SSH2: variants seen among roughly 807,000 people sequenced by gnomAD.
The protein encoded by SSH2 is slingshot protein phosphatase 2.
In SSH2, 37 loss-of-function variants were observed where a neutral mutation model predicts 135.2. The observed-to-expected ratio is 0.27, with a 90% CI of 0.21 to 0.36. The LOEUF (loss-of-function observed/expected upper bound fraction) is 0.36. Ranked by LOEUF, SSH2 falls within the 10% of genes least tolerant of loss-of-function variation. The pLI is 1.00. For missense variants in SSH2, 1,408 were observed against 1,765.3 expected (o/e 0.80, Z 3.63); for synonymous variants, 628 against 646.2 (o/e 0.97, Z 0.43).
intron 3 of SSH2, among the ~76,000 whole-genome samples, chr17:29,728,445 A>G (rs1327853083): frequency 6.6e-6 from 1 of 152,240 alleles, no homozygotes; most frequent in Non-Finnish European, 1.5e-5. Context: ...CATGGATTGA[A>G]AGAATATTGT....
intron 1 of SSH2, chr17:29,925,658 A>C (rs1013475165): frequency 1.7e-4 from 65 of 389,884 alleles, no homozygotes; most frequent in Non-Finnish European, 2.4e-4. Flanking sequence ...GCAGTGAGCT[A>C]TGACTGTGCC....
chr17:29,706,532 C>T (rs1405001463), intron 3 of SSH2, among the ~76,000 whole-genome samples: 3 of 152,178 alleles, frequency 2.0e-5, no homozygotes, highest in Non-Finnish European at 4.4e-5. Flanking sequence ...TCACTCTGTT[C>T]CACTCACATT....
chr17:29,831,521 A>G (rs985291981), intron 2 of SSH2, among the ~76,000 whole-genome samples: 7 of 152,136 alleles, frequency 4.6e-5, no homozygotes, highest in Non-Finnish European at 8.8e-5. Context: ...TAAGATACCA[A>G]TAAAACAACT....
intron 2 of SSH2, among the ~76,000 whole-genome samples, chr17:29,809,578 T>C (rs1324656529): frequency 6.6e-6 from 1 of 151,982 alleles, no homozygotes; most frequent in Non-Finnish European, 1.5e-5. Flanking sequence ...ATTCATGAGA[T>C]GAAATCTAAC....
At position 29,671,888 on chromosome 17, in the gene SSH2, A is replaced by G. The variant is rs771088187; in HGVS notation, c.809+47T>C. On this transcript the variant is annotated intron_variant, in intron 9 of 15. Transcript: ENST00000540801. ...AGGAACATGCTTCTTATGACTCCTC[A>G]GGACATAATGGAGAGAACTTCCATA... 4 of 1,515,516 alleles carry G rather than the reference A, an allele frequency of 2.6e-6. No individual in the cohort carries two copies. In the East Asian group the frequency reaches 9.0e-5, roughly 34 times the overall value. 93.9% of individuals were successfully genotyped at this position (1,515,516 alleles called of 1,614,324 possible).
At chr17:29,715,175 G>GT (rs1248302804) in intron 3 of SSH2, among the ~76,000 whole-genome samples, 1 of 150,306 alleles carries the variant, frequency 6.7e-6, no homozygotes, top group Non-Finnish European at 1.5e-5. Flanking sequence ...TGATTCCTCG[G>GT]TTTTTTCTAG....
At chr17:29,828,992 T>C (rs556338718) in intron 2 of SSH2, among the ~76,000 whole-genome samples, 2 of 152,326 alleles carry the variant, frequency 1.3e-5, no homozygotes, top group African/African-American at 4.8e-5. Context: ...TTAAACCATA[T>C]ACATGTTTCT....
At chr17:29,791,684 G>A (rs1017390592) in intron 3 of SSH2, among the ~76,000 whole-genome samples, 5 of 152,014 alleles carry the variant, frequency 3.3e-5, no homozygotes, top group African/African-American at 9.7e-5. Context: ...GCTTCGAGTC[G>A]GACTAAAGCC....
chr17:29,784,517 A>C (rs1359750078), intron 3 of SSH2, among the ~76,000 whole-genome samples: 1 of 151,792 alleles, frequency 6.6e-6, no homozygotes, highest in Non-Finnish European at 1.5e-5. Flanking sequence ...GAATCACTTG[A>C]ATCCAGGAGG....
At chr17:29,751,840 G>C (rs967774630) in intron 3 of SSH2, among the ~76,000 whole-genome samples, 1 of 152,054 alleles carries the variant, frequency 6.6e-6, no homozygotes, top group Non-Finnish European at 1.5e-5. Context: ...TTAGAACCAA[G>C]TAAGAGTTTT....
At chr17:29,665,124 C>T (rs2037218501) in intron 11 of SSH2, among the ~76,000 whole-genome samples, 1 of 152,116 alleles carries the variant, frequency 6.6e-6, no homozygotes, top group Non-Finnish European at 1.5e-5. Context: ...GAGTGACTCA[C>T]AAGTTTTCTA....
At chr17:29,901,260 C>G (rs1292097440) in intron 1 of SSH2, among the ~76,000 whole-genome samples, 3 of 151,928 alleles carry the variant, frequency 2.0e-5, no homozygotes, top group Non-Finnish European at 4.4e-5. Context: ...CACCTGTACC[C>G]TAAAACTTAA....
At chr17:29,731,715 C>G (rs1037331033) in intron 3 of SSH2, among the ~76,000 whole-genome samples, 1 of 152,236 alleles carries the variant, frequency 6.6e-6, no homozygotes, top group Non-Finnish European at 1.5e-5. Context: ...CTGGGCCTCC[C>G]AAAGTGCTGA....
At chr17:29,748,172 G>C (rs528218739) in intron 3 of SSH2, among the ~76,000 whole-genome samples, 9 of 152,254 alleles carry the variant, frequency 5.9e-5, no homozygotes, top group Non-Finnish European at 1.2e-4. Context: ...CCAAAGTTGA[G>C]AGCTCTTTTT....
intron 14 of SSH2, among the ~76,000 whole-genome samples, chr17:29,639,012 C>G (rs2036036011): frequency 6.6e-6 from 1 of 152,144 alleles, no homozygotes. Flanking sequence ...GGTAAGCATT[C>G]TGGAATCAGA....
chr17:29,771,031 C>T (rs1399180330), intron 3 of SSH2, among the ~76,000 whole-genome samples: 1 of 152,176 alleles, frequency 6.6e-6, no homozygotes, highest in Non-Finnish European at 1.5e-5. Flanking sequence ...AAGGGACCTG[C>T]CCAAACTTAC....
Position 29,725,855 on chromosome 17 carries a change from T to C in SSH2, c.189-22793A>G, listed in dbSNP as rs961616788. ...AGGTGCAGCAAACCACCATGGCACA[T>C]GTATACCTATGTAAGAAACCTGCAT... On this transcript the variant is annotated intron_variant, in intron 3 of 15. Transcript: ENST00000540801. 5.9e-5 allele frequency among the ~76,000 whole-genome samples: 9 copies of C among 152,086 alleles called. 1 individual carries two copies. The highest frequency in any genetic ancestry group is 1.9e-4 in the African/African-American group (8 of 41,398).
At chr17:29,767,427 G>GT (rs1030569030) in intron 3 of SSH2, among the ~76,000 whole-genome samples, 49 of 138,054 alleles carry the variant, frequency 3.5e-4, no homozygotes, top group South Asian at 6.8e-4. Context: ...TTTTAAACTA[G>GT]TTTTTTTTTT....
At chr17:29,887,635 A>G (rs1002103957) in intron 1 of SSH2, among the ~76,000 whole-genome samples, 105 of 152,200 alleles carry the variant, frequency 6.9e-4, no homozygotes, top group African/African-American at 2.4e-3. Context: ...TCATATTGAT[A>G]AAGAGTTCAG....
Sources: gnomAD v4.1 joint callset for allele counts (sites outside exome capture counted in the v4.1 genomes callset) on GRCh38, gnomAD v4.1.1 for gene constraint, MANE v1.5 for transcripts, NCBI Gene and HGNC (gene_info 2026-07-23, HGNC 2026-07-21) for gene names.